Variants in DOCK4 observed in about 807,000 individuals in gnomAD.
DOCK4 encodes the protein dedicator of cytokinesis protein 4.
A neutral mutation model predicts 268.1 loss-of-function variants in DOCK4; 97 were observed. The ratio of observed to expected loss-of-function variants is 0.36; its 90% CI spans 0.31 to 0.43. The LOEUF (loss-of-function observed/expected upper bound fraction) is 0.43, where lower values mean the gene tolerates loss of function less well. Ranked by LOEUF, DOCK4 falls within the 20% of genes least tolerant of loss-of-function variation. DOCK4 has a pLI of 1.00. For missense variants in DOCK4, 2,145 were observed against 2,455.7 expected (o/e 0.87, Z 2.67); for synonymous variants, 954 against 887.2 (o/e 1.08, Z -1.34).
At chr7:112,122,250 T>C (rs763827708) in intron 1 of DOCK4, among the ~76,000 whole-genome samples, 34 of 152,144 alleles carry the variant, frequency 2.2e-4, no homozygotes, top group Non-Finnish European at 4.7e-4. Context: ...TTAAGTATAT[T>C]CATATTGTTG....
At chr7:112,109,518 T>G (rs1811437904) in intron 1 of DOCK4, among the ~76,000 whole-genome samples, 1 of 152,196 alleles carries the variant, frequency 6.6e-6, no homozygotes. Context: ...CTAGCTTTCA[T>G]GATAGAAACT....
intron 1 of DOCK4, among the ~76,000 whole-genome samples, chr7:112,090,666 T>C (rs569637727): frequency 1.5e-4 from 23 of 152,290 alleles, no homozygotes; most frequent in South Asian, 6.2e-4. Context: ...TTATTTTTCA[T>C]GGAAAGAAGC....
intron 27 of DOCK4, among the ~76,000 whole-genome samples, chr7:111,816,126 C>T (rs557654485): frequency 2.8e-4 from 42 of 152,222 alleles, no homozygotes; most frequent in African/African-American, 8.4e-4. Context: ...CTTCAAGCAA[C>T]CCTATTTCTC....
At chr7:111,918,463 G>A (rs745428157) in intron 12 of DOCK4, among the ~76,000 whole-genome samples, 3 of 152,190 alleles carry the variant, frequency 2.0e-5, no homozygotes, top group Non-Finnish European at 4.4e-5. Context: ...CCATCTGGAT[G>A]ATTTGATGGA....
At chr7:111,828,188 A>G (rs1451862073) in intron 26 of DOCK4, among the ~76,000 whole-genome samples, 3 of 152,178 alleles carry the variant, frequency 2.0e-5, no homozygotes, top group Non-Finnish European at 2.9e-5. Context: ...TTAAAATAAT[A>G]TTATGTTCTA....
At chr7:112,123,010 T>C (rs1041134288) in intron 1 of DOCK4, among the ~76,000 whole-genome samples, 1 of 152,218 alleles carries the variant, frequency 6.6e-6, no homozygotes, top group Admixed American at 6.5e-5. Context: ...ATACAAACTT[T>C]ATTAATGTAT....
intron 1 of DOCK4, among the ~76,000 whole-genome samples, chr7:112,152,896 C>G (rs1029678418): frequency 6.6e-6 from 1 of 152,002 alleles, no homozygotes; most frequent in Non-Finnish European, 1.5e-5. Context: ...AAACTAAGAG[C>G]CTGTAAGAGT....
At chr7:111,915,118 G>A (rs75817166) in intron 13 of DOCK4, among the ~76,000 whole-genome samples, 1 of 151,994 alleles carries the variant, frequency 6.6e-6, no homozygotes, top group African/African-American at 2.4e-5. Flanking sequence ...CACATAAAGG[G>A]GTGTGCTTTT....
intron 32 of DOCK4, 26 bp downstream of exon 32, chr7:111,788,636 C>G (rs966544699): frequency 3.2e-6 from 5 of 1,551,540 alleles, no homozygotes; most frequent in Non-Finnish European, 4.4e-6. Flanking sequence ...AGAATGGAAT[C>G]AACTTGAGAT....
At chr7:111,874,836 G>A (rs983740818) in intron 17 of DOCK4, among the ~76,000 whole-genome samples, 1 of 152,216 alleles carries the variant, frequency 6.6e-6, no homozygotes, top group Non-Finnish European at 1.5e-5. Context: ...GTTGGACAAC[G>A]CAAAGCGTGT....
Position 112,206,261 on chromosome 7 carries a change from G to A in DOCK4, c.-123C>T, listed in dbSNP as rs1290536661. The A allele has an allele frequency of 4.5e-6, 5 of 1,123,438 alleles. No homozygotes were observed. The highest frequency in any genetic ancestry group is 6.4e-6 in the Non-Finnish European group (5 of 776,368). 69.6% of individuals were successfully genotyped at this position (1,123,438 alleles called of 1,614,324 possible). On this transcript the variant is annotated 5_prime_UTR_variant, in exon 1 of 53. Coordinates refer to ENST00000428084, the MANE Select transcript of DOCK4 (RefSeq NM_001363540.2). ...AGCCCAGCGGCTTCGCGCGGGCTGC[G>A]GGCGCTGGGCAGGATCTGCGCTGGA...
rs780898347 is a variant in DOCK4 at position 111,741,188 on chromosome 7, C to T, written c.4946G>A (p.Arg1649Gln). ...TGAGGACAGTGAGGAGGAAGAATATCGGTTGACAGCTGGGTAACTTAACGG... is the reference window on the plus strand; with the variant it reads ...TGAGGACAGTGAGGAGGAAGAATATTGGTTGACAGCTGGGTAACTTAACGG... ...RSPLSYPAVN[R>Q]YSSSSLSSQA... Residue 1649 changes from arginine to glutamine, a missense_variant, in exon 47 of 53, where the codon CGA becomes CAA. By Grantham distance (43) the Arg-to-Gln change is conservative (BLOSUM62 1). Coordinates refer to ENST00000428084, the MANE Select transcript of DOCK4 (RefSeq NM_001363540.2). 2.5e-6 allele frequency: 4 copies of T among 1,613,792 alleles called. No individual in the cohort carries two copies. In the Admixed American group the frequency reaches 5.0e-5, roughly 20 times the overall value.
At chr7:112,106,101 A>G (rs568873145) in intron 1 of DOCK4, among the ~76,000 whole-genome samples, 1 of 152,344 alleles carries the variant, frequency 6.6e-6, no homozygotes, top group East Asian at 1.9e-4. Flanking sequence ...AGAGTGCACA[A>G]CATTCAACTA....
At chr7:111,857,150 G>A (rs948461747) in intron 23 of DOCK4, among the ~76,000 whole-genome samples, 1 of 152,264 alleles carries the variant, frequency 6.6e-6, no homozygotes, top group East Asian at 1.9e-4. Flanking sequence ...ATCAACTGTA[G>A]TAAGATTTTA....
At chr7:111,790,637 T>G in intron 30 of DOCK4, 32 bp from the exon 31 acceptor site, 2 of 1,544,284 alleles carry the variant, frequency 1.3e-6, no homozygotes, top group Non-Finnish European at 1.7e-6. Flanking sequence ...AGTTTCAATA[T>G]ATTCAATCTT....
intron 13 of DOCK4, among the ~76,000 whole-genome samples, chr7:111,908,176 T>C (rs1187585072): frequency 9.2e-5 from 14 of 152,102 alleles, no homozygotes; most frequent in Admixed American, 9.2e-4. Flanking sequence ...TGGCCGGGTG[T>C]GGTGGCTCAC....
In DOCK4 at chr7:111,930,988, G is replaced by A. The variant is rs547951112; in HGVS notation, c.1066+4552C>T. Among the ~76,000 whole-genome samples the A allele has an allele frequency of 1.6e-4, 24 of 152,294 alleles. 1 individual carries two copies. In the South Asian group the frequency reaches 4.3e-3, roughly 28 times the overall value. On this transcript the variant is annotated intron_variant, in intron 12 of 52. Transcript: ENST00000428084. ...TATTAGAGTGAAGAGGCTTAGGGCT[G>A]GGTTTGCCTCAGCTTGAGAGAGGCT...
At chr7:111,854,015 C>A (rs1172849576) in intron 23 of DOCK4, among the ~76,000 whole-genome samples, 3 of 151,800 alleles carry the variant, frequency 2.0e-5, no homozygotes, top group Non-Finnish European at 2.9e-5. Context: ...CTCACTGCAA[C>A]CTCCTCACAG....
intron 1 of DOCK4, among the ~76,000 whole-genome samples, chr7:112,175,455 T>C (rs1818425447): frequency 6.6e-6 from 1 of 152,184 alleles, no homozygotes; most frequent in African/African-American, 2.4e-5. Flanking sequence ...AGGTAAAATG[T>C]TTTTATGTTT....
Sources: gnomAD v4.1 joint callset for allele counts (sites outside exome capture counted in the v4.1 genomes callset) on GRCh38, gnomAD v4.1.1 for gene constraint, MANE v1.5 for transcripts, NCBI Gene and HGNC (gene_info 2026-07-23, HGNC 2026-07-21) for gene names.